CADM2: variants seen among roughly 807,000 people sequenced by gnomAD.
CADM2 encodes cell adhesion molecule 2.
Under a neutral mutation model 49.8 loss-of-function variants are expected in CADM2, and 12 were observed. The observed-to-expected ratio is 0.24, with a 90% CI of 0.15 to 0.39. The LOEUF (loss-of-function observed/expected upper bound fraction) is 0.39. Among genes scored for constraint, CADM2 ranks in the 10% least tolerant of loss-of-function variants. CADM2 has a pLI of 1.00. For missense variants in CADM2, 378 were observed against 492.3 expected (o/e 0.77, Z 2.20); for synonymous variants, 214 against 175.4 (o/e 1.22, Z -1.74).
At chr3:85,861,145 C>G (rs1045307882) in intron 3 of CADM2, among the ~76,000 whole-genome samples, 1 of 152,056 alleles carries the variant, frequency 6.6e-6, no homozygotes, top group Non-Finnish European at 1.5e-5. Context: ...CTGGCTGTTG[C>G]GTTGAGAATA....
chr3:85,570,395 GTAAAA>G (rs1188882832), intron 1 of CADM2, among the ~76,000 whole-genome samples: 2 of 152,030 alleles, frequency 1.3e-5, no homozygotes, highest in Non-Finnish European at 1.5e-5. Context: ...ATTCTAATAA[GTAAAA>G]TAAAGAATAT....
chr3:85,143,875 C>T (rs1297602940), intron 1 of CADM2, among the ~76,000 whole-genome samples: 1 of 152,122 alleles, frequency 6.6e-6, no homozygotes, highest in Non-Finnish European at 1.5e-5. Context: ...CAGAGGTTCT[C>T]ATTTCACTCA....
intron 1 of CADM2, among the ~76,000 whole-genome samples, chr3:85,113,347 C>T (rs2038526782): frequency 6.6e-6 from 1 of 152,018 alleles, no homozygotes; most frequent in Non-Finnish European, 1.5e-5. Flanking sequence ...GAATATGAGT[C>T]AATACTACCA....
intron 1 of CADM2, among the ~76,000 whole-genome samples, chr3:85,673,686 G>C (rs1400929991): frequency 6.6e-6 from 1 of 151,912 alleles, no homozygotes; most frequent in Non-Finnish European, 1.5e-5. Flanking sequence ...AAGAGGGAGA[G>C]AAAGAAAGAA....
intron 1 of CADM2, among the ~76,000 whole-genome samples, chr3:85,005,561 C>A (rs1259150954): frequency 6.6e-6 from 1 of 152,044 alleles, no homozygotes. Flanking sequence ...GAAAAATCCA[C>A]TAGACAATTA....
chr3:85,037,351 T>A lies in CADM2; in HGVS notation c.61+77683T>A, dbSNP rs147355365. On this transcript the variant is annotated intron_variant, in intron 1 of 9. Coordinates refer to ENST00000383699, the MANE Select transcript of CADM2 (RefSeq NM_001167675.2). ...GCAGTGGACATGTAGATTTGCCAGA[T>A]CAAAGCCAATGTGTTACATCTGCAA... Among the ~76,000 whole-genome samples, 733 of 152,322 alleles carry A rather than the reference T, an allele frequency of 4.8e-3. 12 individuals carry two copies. Among genetic ancestry groups the A allele is most frequent in the African/African-American group, 0.017 (698 of 41,578 alleles).
At chr3:85,086,043 T>C (rs1390448294) in intron 1 of CADM2, among the ~76,000 whole-genome samples, 2 of 152,182 alleles carry the variant, frequency 1.3e-5, no homozygotes, top group African/African-American at 4.8e-5. Context: ...AAAACTTTTT[T>C]TATTTCCACA....
At chr3:85,685,989 C>T (rs1043254514) in intron 1 of CADM2, among the ~76,000 whole-genome samples, 6 of 152,240 alleles carry the variant, frequency 3.9e-5, no homozygotes, top group African/African-American at 7.2e-5. Context: ...AATGATTTTA[C>T]GTGGCTATAG....
chr3:85,969,767 G>T (rs951464661), intron 8 of CADM2, among the ~76,000 whole-genome samples: 1 of 150,950 alleles, frequency 6.6e-6, no homozygotes, highest in African/African-American at 2.4e-5. Context: ...TCTTAGAACA[G>T]GGTCTTCTAA....
intron 7 of CADM2, among the ~76,000 whole-genome samples, chr3:85,953,531 T>C (rs539764490): frequency 6.6e-6 from 1 of 150,906 alleles, no homozygotes; most frequent in African/African-American, 2.4e-5. Context: ...AACACCGTAA[T>C]CAAGAGTTTT....
chr3:85,894,678 A>C (rs904051310), intron 5 of CADM2, among the ~76,000 whole-genome samples: 6 of 152,142 alleles, frequency 3.9e-5, no homozygotes, highest in African/African-American at 1.4e-4. Flanking sequence ...GGGTTTCCTG[A>C]GCCAGGTCCA....
intron 1 of CADM2, among the ~76,000 whole-genome samples, chr3:85,534,792 G>A (rs1180060023): frequency 6.6e-6 from 1 of 152,040 alleles, no homozygotes; most frequent in Non-Finnish European, 1.5e-5. Flanking sequence ...TTGTTTCAAG[G>A]TCTCTATCTT....
chr3:85,481,296 C>A (rs1346826660), intron 1 of CADM2, among the ~76,000 whole-genome samples: 1 of 149,534 alleles, frequency 6.7e-6, no homozygotes, highest in East Asian at 2.0e-4. Flanking sequence ...TATGTGTGAT[C>A]AAAATAAGTC....
At chr3:86,039,533 G>C (rs1000560852) in intron 8 of CADM2, among the ~76,000 whole-genome samples, 28 of 152,160 alleles carry the variant, frequency 1.8e-4, no homozygotes, top group African/African-American at 3.6e-4. Context: ...GCGAGGCTGG[G>C]GGAGGGGTGC....
At position 85,014,678 on chromosome 3, in the gene CADM2, G is replaced by C. The variant is rs2034171062; in HGVS notation, c.61+55010G>C. 5.3e-5 allele frequency among the ~76,000 whole-genome samples: 8 copies of C among 152,122 alleles called. No homozygotes were observed. In the South Asian group the frequency reaches 1.7e-3, roughly 31 times the overall value. ...CAGGGTCTCTCACAAGATTGCAGAG[G>C]CTATAGTCATCTCAAAGCTCAACAG... On this transcript the variant is annotated intron_variant, in intron 1 of 9. Coordinates refer to ENST00000383699, the MANE Select transcript of CADM2 (RefSeq NM_001167675.2).
intron 8 of CADM2, among the ~76,000 whole-genome samples, chr3:86,025,443 T>G (rs1388901651): frequency 1.3e-5 from 2 of 151,844 alleles, no homozygotes; most frequent in South Asian, 2.1e-4. Context: ...CTTTTTTTTT[T>G]GTTAATTCCA....
intron 1 of CADM2, among the ~76,000 whole-genome samples, chr3:85,334,607 CA>C (rs1224927120): frequency 1.3e-5 from 2 of 151,490 alleles, no homozygotes; most frequent in African/African-American, 4.8e-5. Context: ...TTGGATTCCT[CA>C]GCAAAATTTG....
At chr3:85,729,815 T>G (rs1176330275) in intron 2 of CADM2, among the ~76,000 whole-genome samples, 2 of 152,184 alleles carry the variant, frequency 1.3e-5, no homozygotes, top group African/African-American at 4.8e-5. Flanking sequence ...ATATGAATGT[T>G]TTCTTTCTAA....
chr3:85,167,362 AT>A (rs1275240107), intron 1 of CADM2, among the ~76,000 whole-genome samples: 1 of 152,040 alleles, frequency 6.6e-6, no homozygotes, highest in Non-Finnish European at 1.5e-5. Flanking sequence ...TGCTTTTTAT[AT>A]TTTTAAAGAG....
Sources: gnomAD v4.1 joint callset for allele counts (sites outside exome capture counted in the v4.1 genomes callset) on GRCh38, gnomAD v4.1.1 for gene constraint, MANE v1.5 for transcripts, NCBI Gene and HGNC (gene_info 2026-07-23, HGNC 2026-07-21) for gene names.